The following KRT16 variants were observed in gnomAD, a reference collection of about 807,000 sequenced individuals.
KRT16 encodes keratin 16.
A neutral mutation model predicts 44.8 loss-of-function variants in KRT16; 42 were observed. The observed-to-expected ratio is 0.94, with a 90% CI of 0.73 to 1.21. The LOEUF (loss-of-function observed/expected upper bound fraction) is 1.21, where lower values mean the gene tolerates loss of function less well. KRT16 is among the 50% of genes most tolerant of loss of function. KRT16 has a pLI of 0.00. For synonymous variants in KRT16, 226 were observed against 260.4 expected, an observed-to-expected ratio of 0.87 and a Z score of 1.27; for missense variants, 561 against 626.9, an observed-to-expected ratio of 0.89 and a Z score of 1.12.
rs1908163524 is a variant in KRT16 at position 41,610,796 on chromosome 17, G to C, written c.1059+58C>G. ...GTGGAACTAGACTGTGGCTTTTTGAGGGGGTGGTGGCCATTACTGGTGACT... is the reference window on the plus strand; with the variant it reads ...GTGGAACTAGACTGTGGCTTTTTGACGGGGTGGTGGCCATTACTGGTGACT... On this transcript the variant is annotated intron_variant, in intron 5 of 7. Transcript: ENST00000301653. The C allele has an allele frequency of 9.3e-6, 15 of 1,611,166 alleles. No individual in the cohort carries two copies. In the South Asian group the frequency reaches 1.6e-4, roughly 18 times the overall value.
At position 41,610,546 on chromosome 17, in the gene KRT16, T is replaced by C. The variant is rs1299941017; in HGVS notation, c.1065A>G (p.Ala355=). ...IELQSQLSMK[A]SLENSLEETK... is the part of the protein sequence containing the mutation. ...TCTCCTCCAGGCTGTTCTCCAGGGA[T>C]GCTTTCTGCAAGTGAGAGAGAGAAA... Residue 355 remains alanine (A), a synonymous_variant, in exon 6 of 8, where the codon GCA becomes GCG. Transcript: ENST00000301653. The C allele has an allele frequency of 6.2e-7, 1 of 1,612,050 alleles. No individual in the cohort carries two copies. The highest frequency in any genetic ancestry group is 2.2e-5 in the East Asian group (1 of 44,890).
rs778084613 is a variant in KRT16, at chr17:41,612,556, T to C, written c.133A>G (p.Thr45Ala). 2.1e-5 allele frequency: 33 copies of C among 1,594,746 alleles called. No homozygotes were observed. The highest frequency in any genetic ancestry group is 3.5e-5 in the Admixed American group (2 of 56,888). The change falls in exon 1 of 8, where the codon ACC (threonine) becomes GCC (alanine). Residue 45 changes from threonine (T) to alanine (A), a missense_variant. Thr to Ala is a moderately conservative substitution (Grantham distance 58). Transcript: ENST00000301653. Reference sequence around the variant, plus strand: ...GAGACAGACAGGCCGCCCCCGTAGGTGCTGGGGGCACGGCAGGACCCTCCG... The same window carrying C: ...GAGACAGACAGGCCGCCCCCGTAGGCGCTGGGGGCACGGCAGGACCCTCCG... ...LAGGSCRAPS[T>A]YGGGLSVSSR...
intron 5 of KRT16, 106 bp from the exon 6 acceptor site, chr17:41,610,657 G>T (rs1483636193): frequency 1.5e-5 from 22 of 1,477,782 alleles, no homozygotes; most frequent in Non-Finnish European, 1.8e-5. Flanking sequence ...TCCCAGTTGG[G>T]GTACTGATGG....
intron 7 of KRT16, 21 bp downstream of exon 7, chr17:41,610,169 G>T: frequency 1.2e-6 from 2 of 1,613,418 alleles, no homozygotes; most frequent in Non-Finnish European, 1.7e-6. Flanking sequence ...CTGCAGTGCC[G>T]GGGAGCCTCA....
Position 41,611,341 on chromosome 17 carries a change from G to A in KRT16, c.771+4C>T, listed in dbSNP as rs548761158. ...CCCACCCCGGAAGCCAGCAGCGACC[G>A]TACCTCCTCGTGGTTCTTCCTCAGG... On this transcript the variant is annotated splice_donor_region_variant and intron_variant, in intron 3 of 7. Transcript: ENST00000301653. 5.0e-5 allele frequency: 81 copies of A among 1,614,082 alleles called. No homozygotes were observed. In the South Asian group the frequency reaches 7.0e-4, roughly 14 times the overall value.
Position 41,612,642 on chromosome 17 carries a change from C to T in KRT16, c.47G>A (p.Gly16Asp). 1 of 1,601,588 alleles carries T rather than the reference C, an allele frequency of 6.2e-7. No homozygotes were observed. The highest frequency in any genetic ancestry group is 8.5e-7 in the Non-Finnish European group (1 of 1,175,032). Reference sequence around the variant, plus strand: ...GATGCCGCCTCCGATGCCGCAGGAGCCCTTCATGGAGCTGGAGGAGGTGAA... The same window carrying T: ...GATGCCGCCTCCGATGCCGCAGGAGTCCTTCATGGAGCTGGAGGAGGTGAA... ...RQFTSSSSMK[G>D]SCGIGGGIGG... The change falls in exon 1 of 8, where the codon GGC (glycine) becomes GAC (aspartate). Residue 16 changes from glycine to aspartate, a missense_variant. Coordinates refer to ENST00000301653, the MANE Select transcript of KRT16 (RefSeq NM_005557.4).
At position 41,610,944 on chromosome 17, in the gene KRT16, G is replaced by A. The variant is rs759945966; in HGVS notation, c.969C>T (p.Ser323=). The change falls in exon 5 of 8, where the codon AGC becomes AGT. Residue 323 remains serine, a synonymous_variant. Coordinates refer to ENST00000301653, the MANE Select transcript of KRT16 (RefSeq NM_005557.4). ...CACTGCGGCTGCTCTGTACCAGTTC[G>A]CTGTTGGAGGCCACTTCTTTGTTCA... ...EELNKEVASN[S]ELVQSSRSEV... The A allele has an allele frequency of 1.9e-5, 30 of 1,614,146 alleles. No individual in the cohort carries two copies. In the South Asian group the frequency reaches 2.2e-4, roughly 12 times the overall value.
At position 41,610,411 on chromosome 17, in the gene KRT16, G is replaced by A. The variant is rs889918210; in HGVS notation, c.1200C>T (p.Tyr400=). 3.1e-6 allele frequency: 5 copies of A among 1,612,156 alleles called. No homozygotes were observed. The highest frequency in any genetic ancestry group is 4.2e-6 in the Non-Finnish European group (5 of 1,179,858). ...GCGTCTTCACATCCAGCAAGATCTG[G>A]TACTCCTGGCTCTGCTGCTCCATCT... ...RCEMEQQSQE[Y]QILLDVKTRL... is the part of the protein sequence containing the mutation. Residue 400 remains tyrosine, a synonymous_variant, in exon 6 of 8, where the codon TAC becomes TAT. Coordinates refer to ENST00000301653, the MANE Select transcript of KRT16 (RefSeq NM_005557.4).
intron 1 of KRT16, 45 bp downstream of exon 1, chr17:41,612,113 G>A (rs777208427): frequency 8.7e-6 from 14 of 1,609,200 alleles, no homozygotes; most frequent in Middle Eastern, 2.3e-4. Flanking sequence ...AAGGGCCACT[G>A]TAGCCCCAGC....
At position 41,610,897 on chromosome 17, in the gene KRT16, A is replaced by G; in HGVS notation, c.1016T>C (p.Val339Ala). ...SRSEVTELRR[V>A]LQGLEIELQS... ...CAGCTCAATCTCCAGGCCCTGGAGC[A>G]CCCTCCGGAGCTCCGTCACCTCACT... Residue 339 changes from valine (V) to alanine (A), a missense_variant, in exon 5 of 8, where the codon GTG becomes GCG. By Grantham distance (64) the Val-to-Ala change is moderately conservative. Coordinates refer to ENST00000301653, the MANE Select transcript of KRT16 (RefSeq NM_005557.4). The G allele has an allele frequency of 6.2e-7, 1 of 1,613,910 alleles. No individual in the cohort carries two copies. The highest frequency in any genetic ancestry group is 8.5e-7 in the Non-Finnish European group (1 of 1,179,974).
In KRT16 at chr17:41,610,304, G is replaced by A. The variant is rs1247544960; in HGVS notation, c.1280+27C>T. 1.9e-6 allele frequency: 3 copies of A among 1,613,380 alleles called. No homozygotes were observed. The African/African-American group carries it at 4.0e-5, about 22-fold the overall frequency. On this transcript the variant is annotated intron_variant, in intron 6 of 7. Coordinates refer to ENST00000301653, the MANE Select transcript of KRT16 (RefSeq NM_005557.4). Reference sequence around the variant, plus strand: ...AGCAGGGGGGCTAAAGGGTCTGGGAGGCAGAACTGAGGGGCCTGGGACTCA... The same window carrying A: ...AGCAGGGGGGCTAAAGGGTCTGGGAAGCAGAACTGAGGGGCCTGGGACTCA...
Position 41,610,363 on chromosome 17 carries a change from G to A in KRT16, c.1248C>T (p.Thr416=), listed in dbSNP as rs1433735085. The change falls in exon 6 of 8, where the codon ACC becomes ACT. Residue 416 remains threonine, a synonymous_variant. Transcript: ENST00000301653. ...VKTRLEQEIA[T]YRRLLEGEDA... ...CCTCGCCCTCCAGCAGGCGGCGGTA[G>A]GTGGCAATCTCCTGCTCCAGCCGCG... 2 of 1,612,692 alleles carry A rather than the reference G, an allele frequency of 1.2e-6. No individual in the cohort carries two copies. Among genetic ancestry groups the A allele is most frequent in the Admixed American group, 3.3e-5 (2 of 60,026 alleles).
At position 41,611,395 on chromosome 17, in the gene KRT16, T is replaced by C; in HGVS notation, c.721A>G (p.Ile241Val). The C allele has an allele frequency of 6.2e-7, 1 of 1,614,210 alleles. No homozygotes were observed. Among genetic ancestry groups the C allele is most frequent in the Non-Finnish European group, 8.5e-7 (1 of 1,180,042 alleles). The stretch of plus-strand genomic sequence containing the variant: ...GCCAGCTCCTCCTTCAGGCCTTCGA[T>C]CTGCATCTCCAGGTCAGTCCTGGCC... ...TLARTDLEMQ[I>V]EGLKEELAYL... is the part of the protein sequence containing the mutation. Residue 241 changes from isoleucine (I) to valine (V), a missense_variant, in exon 3 of 8, where the codon ATC (isoleucine) becomes GTC (valine). Physicochemically the swap from Ile to Val is conservative, Grantham distance 29. Coordinates refer to ENST00000301653, the MANE Select transcript of KRT16 (RefSeq NM_005557.4).
rs111383277 is a variant in KRT16, at chr17:41,612,568, G to T, written c.121C>A (p.Arg41Ser). ...ISSVLAGGSCRAPSTYGGGLS... is the reference protein window; with the variant it reads ...ISSVLAGGSCSAPSTYGGGLS... ...CCGCCCCCGTAGGTGCTGGGGGCACGGCAGGACCCTCCGGCCAGGACGGAG... is the reference window on the plus strand; with the variant it reads ...CCGCCCCCGTAGGTGCTGGGGGCACTGCAGGACCCTCCGGCCAGGACGGAG... The change falls in exon 1 of 8, where the codon CGT becomes AGT. Residue 41 changes from arginine to serine, a missense_variant. Arg to Ser is a moderately radical substitution (Grantham distance 110). Transcript: ENST00000301653. The T allele has an allele frequency of 1.9e-6, 3 of 1,595,230 alleles. No individual in the cohort carries two copies. The Admixed American group carries it at 5.3e-5, about 28-fold the overall frequency.
chr17:41,610,812 A>G, intron 5 of KRT16, 42 bp downstream of exon 5: 1 of 1,612,700 alleles, frequency 6.2e-7, no homozygotes, highest in Non-Finnish European at 8.5e-7. Context: ...GGTGGCCATT[A>G]CTGGTGACTT....
chr17:41,611,917 C>T, intron 1 of KRT16, 196 bp from the exon 2 acceptor site: 1 of 777,082 alleles, frequency 1.3e-6, no homozygotes, highest in African/African-American at 1.7e-5. Flanking sequence ...GGGCCCAAGG[C>T]AGGGAAGCTG....
Position 41,610,005 on chromosome 17 carries a change from G to A in KRT16, c.1352C>T (p.Ser451Leu), listed in dbSNP as rs755717002. 2.5e-5 allele frequency: 40 copies of A among 1,611,610 alleles called. 2 individuals carry two copies. The highest frequency in any genetic ancestry group is 2.2e-4 in the South Asian group (20 of 90,968). Residue 451 changes from serine (S) to leucine (L), a missense_variant, in exon 8 of 8, where the codon TCG (serine) becomes TTG (leucine). Transcript: ENST00000301653. ...GAGGATGGGCCGGGTCTGACGGCTC[G>A]AAGAGGACGAGGAGGAGGTGAAGAC... Reference protein sequence around the residue: ...REVFTSSSSSSSRQTRPILKE... With the variant: ...REVFTSSSSSLSRQTRPILKE...
chr17:41,611,205 G>T lies in KRT16; in HGVS notation c.797C>A (p.Thr266Asn), dbSNP rs374969442. The change falls in exon 4 of 8, where the codon ACC becomes AAC. Residue 266 changes from threonine to asparagine, a missense_variant. Coordinates refer to ENST00000301653, the MANE Select transcript of KRT16 (RefSeq NM_005557.4). ...CATCTCCACGTTCACATCTCCGCCG[G>T]TCTGACCTCTCAGAGCAAGCATCTC... ...EEEMLALRGQ[T>N]GGDVNVEMDA... 4.7e-5 allele frequency: 76 copies of T among 1,613,854 alleles called. No homozygotes were observed. Among genetic ancestry groups the T allele is most frequent in the South Asian group, 6.6e-5 (6 of 91,082 alleles).
Position 41,612,663 on chromosome 17 carries a change from G to A in KRT16, c.26C>T (p.Thr9Ile), listed in dbSNP as rs1407246468. The A allele has an allele frequency of 3.7e-6, 6 of 1,601,078 alleles. No individual in the cohort carries two copies. In the Admixed American group the frequency reaches 6.8e-5, roughly 18 times the overall value. The change falls in exon 1 of 8, where the codon ACC (threonine) becomes ATC (isoleucine). Residue 9 changes from threonine to isoleucine, a missense_variant. Transcript: ENST00000301653. MTTCSRQF[T>I]SSSSMKGSCG... Reference sequence around the variant, plus strand: ...GGAGCCCTTCATGGAGCTGGAGGAGGTGAACTGGCGGCTGCAGGTGGTCAT... The same window carrying A: ...GGAGCCCTTCATGGAGCTGGAGGAGATGAACTGGCGGCTGCAGGTGGTCAT...
Sources: allele counts gnomAD v4.1 joint callset, GRCh38; gene constraint gnomAD v4.1.1; transcripts MANE v1.5; gene names NCBI Gene and HGNC (gene_info 2026-07-23, HGNC 2026-07-21).